SCFD1: variants seen among roughly 807,000 people sequenced by gnomAD.
SCFD1 encodes sec1 family domain containing 1, also known as sec1 family domain-containing protein 1.
SCFD1 carries 37 observed loss-of-function variants against 103.2 expected under a neutral mutation model. The observed-to-expected ratio is 0.36, with a 90% CI of 0.28 to 0.47. SCFD1 has a LOEUF of 0.47. Ranked by LOEUF, SCFD1 falls within the 20% of genes least tolerant of loss-of-function variation. The probability of loss-of-function intolerance (pLI) is 1.00; values close to 1 mark genes in which losing one functional copy is unlikely to be tolerated. For missense variants in SCFD1, 639 were observed against 761.2 expected, an observed-to-expected ratio of 0.84 and a Z score of 1.89; for synonymous variants, 264 against 245.0, an observed-to-expected ratio of 1.08 and a Z score of -0.73.
chr14:30,635,852 C>T (rs1224854667), intron 4 of SCFD1, among the ~76,000 whole-genome samples: 1 of 152,090 alleles, frequency 6.6e-6, no homozygotes, highest in East Asian at 1.9e-4. Flanking sequence ...AGTGTGGTTG[C>T]ACCATTTTAT....
chr14:30,677,093 T>A (rs1276335996), intron 14 of SCFD1, among the ~76,000 whole-genome samples: 1 of 152,192 alleles, frequency 6.6e-6, no homozygotes, highest in Non-Finnish European at 1.5e-5. Flanking sequence ...TGGCAGAGCA[T>A]CTTATGCCAA....
intron 7 of SCFD1, among the ~76,000 whole-genome samples, chr14:30,648,302 A>G (rs1886050875): frequency 6.6e-6 from 1 of 152,186 alleles, no homozygotes; most frequent in Non-Finnish European, 1.5e-5. Context: ...TTTGCAATTG[A>G]CTGAGTATAT....
At chr14:30,725,537 A>C (rs1156754724) in intron 23 of SCFD1, among the ~76,000 whole-genome samples, 4 of 152,150 alleles carry the variant, frequency 2.6e-5, no homozygotes, top group Non-Finnish European at 4.4e-5. Flanking sequence ...TTGATTTTGT[A>C]TCCTGAGACC....
chr14:30,662,274 G>A (rs1887521814), intron 10 of SCFD1, among the ~76,000 whole-genome samples: 1 of 152,124 alleles, frequency 6.6e-6, no homozygotes, highest in South Asian at 2.1e-4. Flanking sequence ...CCCTAGGTTT[G>A]TGTGCAAGGA....
At chr14:30,730,539 A>ATGAT (rs1173740183) in intron 23 of SCFD1, among the ~76,000 whole-genome samples, 4 of 152,226 alleles carry the variant, frequency 2.6e-5, no homozygotes, top group African/African-American at 9.6e-5. Flanking sequence ...TGACTTTTTA[A>ATGAT]TGATTGCCAT....
intron 7 of SCFD1, among the ~76,000 whole-genome samples, chr14:30,647,861 G>T (rs544438594): frequency 6.6e-6 from 1 of 152,184 alleles, no homozygotes; most frequent in Non-Finnish European, 1.5e-5. Context: ...ATGTTGGCCA[G>T]GCTGGTCTCG....
intron 7 of SCFD1, among the ~76,000 whole-genome samples, chr14:30,647,445 T>G (rs1390180867): frequency 6.6e-6 from 1 of 152,042 alleles, no homozygotes; most frequent in Admixed American, 6.6e-5. Flanking sequence ...GCTTGAGTTC[T>G]TTCTCCTGTG....
chr14:30,717,874 ACT>A (rs1348846774), intron 20 of SCFD1, among the ~76,000 whole-genome samples: 1 of 148,406 alleles, frequency 6.7e-6, no homozygotes, highest in Non-Finnish European at 1.5e-5. Flanking sequence ...ACAGAGCAAG[ACT>A]CTGCCTCAAA....
intron 19 of SCFD1, among the ~76,000 whole-genome samples, chr14:30,713,364 A>G (rs190497228): frequency 2.2e-5 from 3 of 138,644 alleles, no homozygotes; most frequent in Admixed American, 2.0e-4. Flanking sequence ...TGTAAAAACC[A>G]GACAAAAACA....
intron 14 of SCFD1, among the ~76,000 whole-genome samples, chr14:30,691,920 G>T (rs868574634): frequency 7.1e-6 from 1 of 139,960 alleles, no homozygotes; most frequent in Non-Finnish European, 1.5e-5. Context: ...ATCTGCTATG[G>T]CATTTAGCAT....
intron 7 of SCFD1, among the ~76,000 whole-genome samples, chr14:30,646,625 T>C (rs1394372801): frequency 6.6e-6 from 1 of 152,186 alleles, no homozygotes; most frequent in Non-Finnish European, 1.5e-5. Flanking sequence ...AGAATGATAC[T>C]GGCCTCATTG....
chr14:30,668,751 G>A (rs1888258007), intron 10 of SCFD1, among the ~76,000 whole-genome samples: 1 of 152,166 alleles, frequency 6.6e-6, no homozygotes, highest in Non-Finnish European at 1.5e-5. Context: ...GATATGAACA[G>A]ACACTTTTCA....
chr14:30,691,532 T>A (rs568177709), intron 14 of SCFD1, among the ~76,000 whole-genome samples: 120 of 152,340 alleles, frequency 7.9e-4, no homozygotes, highest in Non-Finnish European at 1.3e-3. Context: ...AGCACTTCAC[T>A]CCTTTTCCTC....
chr14:30,679,642 A>G (rs1342193922), intron 14 of SCFD1, among the ~76,000 whole-genome samples: 1 of 152,096 alleles, frequency 6.6e-6, no homozygotes, highest in Non-Finnish European at 1.5e-5. Context: ...CTTAAGTTAA[A>G]CATACAACAT....
chr14:30,674,369 G>A (rs749477167), intron 13 of SCFD1, among the ~76,000 whole-genome samples: 89 of 152,036 alleles, frequency 5.9e-4, no homozygotes, highest in Non-Finnish European at 1.1e-3. Flanking sequence ...GAGGCTGGGC[G>A]CGGTAGCTCA....
At chr14:30,622,301 T>G (rs757091609), upstream of SCFD1, 26 of 1,593,678 alleles carry the variant, frequency 1.6e-5, no homozygotes, top group Non-Finnish European at 2.1e-5. Context: ...ATCCCCCCGC[T>G]CCGCTCCCCA....
At chr14:30,721,174 G>T (rs1174213045) in intron 21 of SCFD1, among the ~76,000 whole-genome samples, 1 of 152,124 alleles carries the variant, frequency 6.6e-6, no homozygotes, top group Non-Finnish European at 1.5e-5. Flanking sequence ...ATGAGGAAAA[G>T]ATGATAGAAC....
intron 23 of SCFD1, among the ~76,000 whole-genome samples, chr14:30,729,986 C>T (rs1893329580): frequency 6.6e-6 from 1 of 152,038 alleles, no homozygotes; most frequent in Non-Finnish European, 1.5e-5. Context: ...TTAGGTATAT[C>T]TCCTAATGCT....
intron 18 of SCFD1, 146 bp downstream of exon 18, chr14:30,706,031 G>GTTTT: frequency 5.9e-6 from 3 of 512,534 alleles, no homozygotes; most frequent in Non-Finnish European, 3.4e-6. Flanking sequence ...AGTTCTCCTG[G>GTTTT]TTTTTTTTTT....
Sources: gnomAD v4.1 joint callset for allele counts (sites outside exome capture counted in the v4.1 genomes callset) on GRCh38, gnomAD v4.1.1 for gene constraint, MANE v1.5 for transcripts, NCBI Gene and HGNC (gene_info 2026-07-23, HGNC 2026-07-21) for gene names.